FAM20C: variants seen among roughly 807,000 people sequenced by gnomAD.
FAM20C encodes extracellular serine/threonine protein kinase FAM20C.
FAM20C carries 40 observed loss-of-function variants against 51.5 expected under a neutral mutation model. The observed-to-expected ratio is 0.78, with a 90% CI of 0.60 to 1.01. The LOEUF (loss-of-function observed/expected upper bound fraction) is 1.01. Ranked by LOEUF, FAM20C falls within the 50% of genes least tolerant of loss-of-function variation. The probability of loss-of-function intolerance (pLI) is 0.00; values close to 1 mark genes in which losing one functional copy is unlikely to be tolerated. For synonymous variants in FAM20C, 406 were observed against 380.6 expected (o/e 1.07, Z -0.78); for missense variants, 861 against 844.7 (o/e 1.02, Z -0.24).
At chr7:202,543 G>A (rs1230059173) in intron 2 of FAM20C, among the ~76,000 whole-genome samples, 3 of 145,486 alleles carry the variant, frequency 2.1e-5, no homozygotes, top group Non-Finnish European at 3.0e-5. Context: ...ACATCTTCCC[G>A]TGTGCATAGA....
rs1788573813 is a variant in FAM20C, at chr7:255,959, C to T, written c.1183C>T (p.Leu395=). 1.3e-6 allele frequency: 2 copies of T among 1,536,134 alleles called. No homozygotes were observed. Among genetic ancestry groups the T allele is most frequent in the Non-Finnish European group, 1.7e-6 (2 of 1,146,844 alleles). Reference sequence around the variant, plus strand: ...CTCGCTGGCGGCCTTCCTGCCCGACCTGTCCCTGGCCAAGAGGAAGACCTG... The same window carrying T: ...CTCGCTGGCGGCCTTCCTGCCCGACTTGTCCCTGGCCAAGAGGAAGACCTG... ...EGSLAAFLPD[L]SLAKRKTWRN... is the part of the protein sequence containing the mutation. The change falls in exon 6 of 10, where the codon CTG becomes TTG. Residue 395 remains leucine, a synonymous_variant. Transcript: ENST00000313766.
At chr7:194,752 T>C (rs1242505185) in intron 1 of FAM20C, among the ~76,000 whole-genome samples, 4 of 151,188 alleles carry the variant, frequency 2.6e-5, no homozygotes, top group Non-Finnish European at 5.9e-5. Flanking sequence ...GAGCAGCGAG[T>C]GGCCAGGAAG....
intron 5 of FAM20C, among the ~76,000 whole-genome samples, chr7:249,615 C>T (rs1435136187): frequency 1.3e-5 from 2 of 152,188 alleles, no homozygotes; most frequent in Admixed American, 6.5e-5. Context: ...TGGCGCTTAT[C>T]TGTGGTCCCA....
At chr7:217,429 T>TTCCAGCCCCTCCCGG (rs1787051377) in intron 3 of FAM20C, among the ~76,000 whole-genome samples, 1 of 6,362 alleles carries the variant, frequency 1.6e-4, no homozygotes, top group African/African-American at 6.0e-4. Context: ...TAGAGCTGCA[T>TTCCAGCCCCTCCCGG]TTGGCTGTTT....
chr7:224,437 G>A (rs1174448172), intron 3 of FAM20C, among the ~76,000 whole-genome samples: 3 of 15,894 alleles, frequency 1.9e-4, no homozygotes, highest in African/African-American at 9.7e-4. Flanking sequence ...TCACGGGGTC[G>A]CACGGCGGCT....
Position 260,131 on chromosome 7 carries a change from G to A in FAM20C, c.*151G>A, listed in dbSNP as rs922316559. On this transcript the variant is annotated 3_prime_UTR_variant, in exon 10 of 10. Coordinates refer to ENST00000313766, the MANE Select transcript of FAM20C (RefSeq NM_020223.4). Reference sequence around the variant, plus strand: ...CTGCCACAGGAGGCGAGGCTCCCCAGGTCTCATAGGACACATTTTGTCAGT... The same window carrying A: ...CTGCCACAGGAGGCGAGGCTCCCCAAGTCTCATAGGACACATTTTGTCAGT... 6.6e-6 allele frequency: 7 copies of A among 1,056,214 alleles called. No individual in the cohort carries two copies. Among genetic ancestry groups the A allele is most frequent in the East Asian group, 2.8e-5 (1 of 36,058 alleles). 65.4% of individuals were successfully genotyped at this position (1,056,214 alleles called of 1,614,324 possible).
At chr7:206,552 G>A (rs1786401348) in intron 2 of FAM20C, among the ~76,000 whole-genome samples, 1 of 102,404 alleles carries the variant, frequency 9.8e-6, no homozygotes, top group African/African-American at 3.6e-5. Context: ...CGTGTCCACT[G>A]TGACGCGTCG....
At position 256,048 on chromosome 7, in the gene FAM20C, G is replaced by A. The variant is rs146265893; in HGVS notation, c.1253+19G>A. On this transcript the variant is annotated intron_variant, in intron 6 of 9. Coordinates refer to ENST00000313766, the MANE Select transcript of FAM20C (RefSeq NM_020223.4). Reference sequence around the variant, plus strand: ...AGGCCGAGTGAGTGCGGGGCCGGGGGGCTGGCGTCCGGCCACCCTACGGCA... The same window carrying A: ...AGGCCGAGTGAGTGCGGGGCCGGGGAGCTGGCGTCCGGCCACCCTACGGCA... 596 of 1,531,664 alleles carry A rather than the reference G, an allele frequency of 3.9e-4. 4 individuals are homozygous for A. In the African/African-American group the frequency reaches 7.4e-3, roughly 19 times the overall value. 94.9% of individuals were successfully genotyped at this position (1,531,664 alleles called of 1,614,324 possible).
rs1788519971 is a variant in FAM20C at position 254,616 on chromosome 7, C to T, written c.1073-1233C>T. On this transcript the variant is annotated intron_variant, in intron 5 of 9. Transcript: ENST00000313766. ...TCTTTATTAAGGTATAATTCATGTA[C>T]CACAAAATTTACCATTTAAAAGCGT... Among the ~76,000 whole-genome samples the T allele has an allele frequency of 2.6e-5, 4 of 152,168 alleles. No homozygotes were observed. The South Asian group carries it at 8.3e-4, about 32-fold the overall frequency.
At chr7:209,662 G>C (rs1392293765) in intron 3 of FAM20C, among the ~76,000 whole-genome samples, 1 of 152,254 alleles carries the variant, frequency 6.6e-6, no homozygotes, top group South Asian at 2.1e-4. Flanking sequence ...GCTGGGTGGG[G>C]TCTGTGGCAG....
intron 5 of FAM20C, among the ~76,000 whole-genome samples, chr7:250,597 C>T (rs547103242): frequency 1.4e-4 from 22 of 152,258 alleles, no homozygotes; most frequent in Non-Finnish European, 2.6e-4. Context: ...AAACTCGCCT[C>T]CCCACCCTGG....
rs1243317330 is a variant in FAM20C, at chr7:193,041, G to A, written c.-159G>A. 5 of 398,348 alleles carry A rather than the reference G, an allele frequency of 1.3e-5. No homozygotes were observed. Among genetic ancestry groups the A allele is most frequent in the African/African-American group, 4.3e-5 (2 of 46,086 alleles). 24.7% of individuals were successfully genotyped at this position (398,348 alleles called of 1,614,324 possible). A position where few individuals can be genotyped will look rare whatever the true frequency, so the allele number is the denominator to read the frequency against. On this transcript the variant is annotated 5_prime_UTR_variant, in exon 1 of 10. Transcript: ENST00000313766. Reference sequence around the variant, plus strand: ...GGGACCCAGCGCTCCGGCGGCGGGCGCCCTGCACGCGGCCCGGGCCCGGGG... The same window carrying A: ...GGGACCCAGCGCTCCGGCGGCGGGCACCCTGCACGCGGCCCGGGCCCGGGG...
intron 3 of FAM20C, among the ~76,000 whole-genome samples, chr7:245,665 C>T (rs974300134): frequency 6.6e-6 from 1 of 152,250 alleles, no homozygotes; most frequent in African/African-American, 2.4e-5. Context: ...TCCACGTTTC[C>T]ACCATGACCA....
intron 9 of FAM20C, among the ~76,000 whole-genome samples, chr7:258,962 G>A (rs1788758031): frequency 6.6e-6 from 1 of 152,220 alleles, no homozygotes; most frequent in Non-Finnish European, 1.5e-5. Flanking sequence ...TGCCACCCCA[G>A]TTACAGAGAG....
chr7:220,700 T>C (rs1787222540), intron 3 of FAM20C, among the ~76,000 whole-genome samples: 1 of 152,154 alleles, frequency 6.6e-6, no homozygotes, highest in Non-Finnish European at 1.5e-5. Flanking sequence ...TGGCCACGTG[T>C]GCAGGGGAGA....
At chr7:206,180 C>T (rs1486551927) in intron 2 of FAM20C, among the ~76,000 whole-genome samples, 2 of 152,198 alleles carry the variant, frequency 1.3e-5, no homozygotes, top group Non-Finnish European at 2.9e-5. Flanking sequence ...TCCCACGTCA[C>T]TCCACCAGAT....
At chr7:229,918 T>C (rs1265253914) in intron 3 of FAM20C, among the ~76,000 whole-genome samples, 1 of 152,058 alleles carries the variant, frequency 6.6e-6, no homozygotes, top group African/African-American at 2.4e-5. Flanking sequence ...GTCTGTCTTA[T>C]CTAGTTTTGG....
rs142687391 is a variant in FAM20C, at chr7:245,031, A to G, written c.864-1384A>G. ...ACGTGGTCCCCCCGAAGGGACGTGG[A>G]CATGACATACAGGACCTGTGCCCCA... is the stretch of plus-strand genomic sequence containing the variant. On this transcript the variant is annotated intron_variant, in intron 3 of 9. Coordinates refer to ENST00000313766, the MANE Select transcript of FAM20C (RefSeq NM_020223.4). Among the ~76,000 whole-genome samples, 1,379 of 152,336 alleles carry G rather than the reference A, an allele frequency of 9.1e-3. 7 individuals are homozygous for G. Among genetic ancestry groups the G allele is most frequent in the Middle Eastern group, 0.048 (14 of 294 alleles).
At chr7:251,488 C>A (rs916255592) in intron 5 of FAM20C, among the ~76,000 whole-genome samples, 3 of 151,928 alleles carry the variant, frequency 2.0e-5, no homozygotes, top group African/African-American at 7.3e-5. Context: ...CCACTGCACT[C>A]CAGCCTGGGT....
Sources: allele counts gnomAD v4.1 joint callset (sites outside exome capture counted in the v4.1 genomes callset), GRCh38; gene constraint gnomAD v4.1.1; transcripts MANE v1.5; gene names NCBI Gene and HGNC (gene_info 2026-07-23, HGNC 2026-07-21).